RNF175: variants seen among roughly 807,000 people sequenced by gnomAD.
The protein encoded by RNF175 is ring finger protein 175.
Under a neutral mutation model 50.0 loss-of-function variants are expected in RNF175, and 38 were observed. That is an observed-to-expected ratio of 0.76 (90% CI 0.59 to 1.00). The LOEUF (loss-of-function observed/expected upper bound fraction) is 1.00, where lower values mean the gene tolerates loss of function less well. Among genes scored for constraint, RNF175 ranks in the 50% least tolerant of loss-of-function variants. The probability of loss-of-function intolerance (pLI) is 0.00; values close to 1 mark genes in which losing one functional copy is unlikely to be tolerated. For synonymous variants in RNF175, 155 were observed against 146.1 expected (o/e 1.06, Z -0.44); for missense variants, 388 against 409.6 (o/e 0.95, Z 0.46).
intron 1 of RNF175, among the ~76,000 whole-genome samples, chr4:153,758,460 G>A (rs968885475): frequency 4.6e-5 from 7 of 152,144 alleles, no homozygotes; most frequent in African/African-American, 1.7e-4. Context: ...CCTCCTGAGG[G>A]CAGCAGACTA....
rs190622067 is a variant in RNF175 at position 153,731,873 on chromosome 4, C to T, written c.247-3512G>A. Among the ~76,000 whole-genome samples, 172 of 151,802 alleles carry T rather than the reference C, an allele frequency of 1.1e-3. 1 individual carries two copies. The highest frequency in any genetic ancestry group is 3.9e-3 in the African/African-American group (163 of 41,402). ...AGCAGAAAATTATCATAAAAAAATA[C>T]CCAGGAAACAATGCTGCTATTAGTA... On this transcript the variant is annotated intron_variant, in intron 3 of 8. Coordinates refer to ENST00000347063, the MANE Select transcript of RNF175 (RefSeq NM_173662.4).
chr4:153,756,005 T>TA (rs1740544660), intron 1 of RNF175, among the ~76,000 whole-genome samples: 1 of 152,196 alleles, frequency 6.6e-6, no homozygotes, highest in Non-Finnish European at 1.5e-5. Context: ...ACATCTGTAA[T>TA]AAAAAAGCCC....
At chr4:153,719,259 T>G (rs891458390) in intron 6 of RNF175, among the ~76,000 whole-genome samples, 1 of 152,212 alleles carries the variant, frequency 6.6e-6, no homozygotes. Flanking sequence ...TCCAGCTCCA[T>G]CCAAGTCCCT....
intron 3 of RNF175, among the ~76,000 whole-genome samples, chr4:153,729,963 A>G (rs1738937734): frequency 6.6e-6 from 1 of 152,220 alleles, no homozygotes; most frequent in South Asian, 2.1e-4. Context: ...GGGTGTGGAA[A>G]ATGAATGAGT....
Position 153,748,781 on chromosome 4 carries a change from T to C in RNF175, c.110A>G (p.Gln37Arg). Residue 37 changes from glutamine (Q) to arginine (R), a missense_variant, in exon 3 of 9, where the codon CAG (glutamine) becomes CGG (arginine). Physicochemically the swap from Gln to Arg is conservative, Grantham distance 43 (BLOSUM62 1). Transcript: ENST00000347063. ...KLSAEDTWNLQQERMYKMHRG... is the reference protein window; with the variant it reads ...KLSAEDTWNLRQERMYKMHRG... ...GTGCATCTTGTACATCCTCTCCTGC[T>C]GCAGGCTGGAACCAGCAAAATGAGG... 1 of 1,611,856 alleles carries C rather than the reference T, an allele frequency of 6.2e-7. No homozygotes were observed.
intron 3 of RNF175, among the ~76,000 whole-genome samples, chr4:153,747,857 T>A (rs947947597): frequency 2.6e-5 from 4 of 152,354 alleles, no homozygotes; most frequent in Admixed American, 2.0e-4. Context: ...TATAACAGAA[T>A]ACCACAGACT....
intron 6 of RNF175, among the ~76,000 whole-genome samples, chr4:153,716,700 T>C (rs1455601394): frequency 6.6e-6 from 1 of 152,140 alleles, no homozygotes; most frequent in Non-Finnish European, 1.5e-5. Context: ...GCCCACACAT[T>C]TGTGGGCAAG....
intron 8 of RNF175, 145 bp from the exon 9 acceptor site, chr4:153,710,634 G>A (rs1021509599): frequency 2.7e-6 from 2 of 748,332 alleles, no homozygotes; most frequent in Non-Finnish European, 4.3e-6. Flanking sequence ...AGCCCCTTAT[G>A]TGAGTTTTAT....
intron 6 of RNF175, among the ~76,000 whole-genome samples, chr4:153,718,175 T>C (rs1738066525): frequency 6.6e-6 from 1 of 151,586 alleles, no homozygotes; most frequent in South Asian, 2.1e-4. Context: ...CCCATGGTTT[T>C]GGATGGCTTA....
intron 3 of RNF175, among the ~76,000 whole-genome samples, chr4:153,744,675 A>T (rs1739875468): frequency 6.6e-6 from 1 of 152,234 alleles, no homozygotes; most frequent in South Asian, 2.1e-4. Context: ...TGAGGACTCT[A>T]GAAATTTTAT....
chr4:153,735,852 C>T (rs950661662), intron 3 of RNF175, among the ~76,000 whole-genome samples: 2 of 152,162 alleles, frequency 1.3e-5, no homozygotes, highest in African/African-American at 4.8e-5. Flanking sequence ...ATCTTCCAAC[C>T]TTGCTATAAT....
In RNF175 at chr4:153,759,976, C is replaced by T. The variant is rs1740753163; in HGVS notation, c.-114G>A. On this transcript the variant is annotated 5_prime_UTR_variant, in exon 1 of 9. Transcript: ENST00000347063. ...GAGCCGAGGGTGAGAGCCGGATCTG[C>T]GGCGGCGGCGGAGCGGCGGCCCTGC... is the stretch of plus-strand genomic sequence containing the variant. The T allele has an allele frequency of 3.6e-6, 2 of 558,502 alleles. No individual in the cohort carries two copies. Among genetic ancestry groups the T allele is most frequent in the East Asian group, 7.3e-5 (2 of 27,564 alleles). 34.6% of individuals were successfully genotyped at this position (558,502 alleles called of 1,614,324 possible).
chr4:153,718,230 G>GTTTTTTTTTTTTTTTTTTTTTTTTTTT lies in RNF175; in HGVS notation c.630+1953_630+1954insAAAAAAAAAAAAAAAAAAAAAAAAAAA, dbSNP rs1272804247. ...AGGAGTTTTTTTTGTTTGTTTGTTT[G>GTTTTTTTTTTTTTTTTTTTTTTTTTTT]TTTGTTTGTTTTTTTTTTTTTTGAA... On this transcript the variant is annotated intron_variant, in intron 6 of 8. Coordinates refer to ENST00000347063, the MANE Select transcript of RNF175 (RefSeq NM_173662.4). Among the ~76,000 whole-genome samples the GTTTTTTTTTTTTTTTTTTTTTTTTTTT allele has an allele frequency of 2.8e-4, 9 of 31,864 alleles. 1 individual carries two copies. Among genetic ancestry groups the GTTTTTTTTTTTTTTTTTTTTTTTTTTT allele is most frequent in the East Asian group, 3.1e-3 (2 of 642 alleles). 20.9% of individuals were successfully genotyped at this position (31,864 alleles called of 152,430 possible).
In RNF175 at chr4:153,720,256, G is replaced by A. The variant is rs763362607; in HGVS notation, c.558C>T (p.Tyr186=). The A allele has an allele frequency of 1.9e-6, 3 of 1,612,806 alleles. No individual in the cohort carries two copies. The highest frequency in any genetic ancestry group is 1.1e-5 in the South Asian group (1 of 91,066). Residue 186 remains tyrosine (Y), a synonymous_variant, in exon 6 of 9, where the codon TAC becomes TAT. Coordinates refer to ENST00000347063, the MANE Select transcript of RNF175 (RefSeq NM_173662.4). ...SMDFGIVSLF[Y]GLYYGVMGRD... ...TCCCCATTACTCCATAGTAGAGGCCGTAGAACAAAGACACAATGCCAAAAT... is the reference window on the plus strand; with the variant it reads ...TCCCCATTACTCCATAGTAGAGGCCATAGAACAAAGACACAATGCCAAAAT...
chr4:153,718,529 A>G (rs1738130789), intron 6 of RNF175, among the ~76,000 whole-genome samples: 1 of 152,062 alleles, frequency 6.6e-6, no homozygotes, highest in Non-Finnish European at 1.5e-5. Flanking sequence ...TCAGGTGAGA[A>G]GTTTCCCAAA....
intron 3 of RNF175, among the ~76,000 whole-genome samples, chr4:153,731,087 A>C (rs1739006275): frequency 6.6e-6 from 1 of 152,216 alleles, no homozygotes; most frequent in African/African-American, 2.4e-5. Context: ...GTAACTCAGC[A>C]CCATATTTTC....
intron 7 of RNF175, chr4:153,714,573 A>G (rs1168373913): frequency 6.6e-6 from 1 of 152,238 alleles, no homozygotes; most frequent in Non-Finnish European, 1.5e-5. Flanking sequence ...CATAGCGATG[A>G]CATTATTAAA....
chr4:153,756,388 C>G (rs1056501599), intron 1 of RNF175, among the ~76,000 whole-genome samples: 20 of 152,240 alleles, frequency 1.3e-4, no homozygotes, highest in African/African-American at 4.1e-4. Context: ...TTGTTTCCCC[C>G]CAAGCTGCTC....
At chr4:153,712,078 C>T (rs574237946) in intron 8 of RNF175, among the ~76,000 whole-genome samples, 18 of 152,264 alleles carry the variant, frequency 1.2e-4, no homozygotes, top group Admixed American at 6.5e-4. Flanking sequence ...GTTCACATTT[C>T]GGCTTTTAAA....
Sources: gnomAD v4.1 joint callset for allele counts (sites outside exome capture counted in the v4.1 genomes callset) on GRCh38, gnomAD v4.1.1 for gene constraint, MANE v1.5 for transcripts, NCBI Gene and HGNC (gene_info 2026-07-23, HGNC 2026-07-21) for gene names.